The following GRIP1 variants were observed in gnomAD, a reference collection of about 807,000 sequenced individuals.
GRIP1 encodes glutamate receptor-interacting protein 1.
In GRIP1, 45 loss-of-function variants were observed where a neutral mutation model predicts 129.9. The ratio of observed to expected loss-of-function variants is 0.35; its 90% CI spans 0.27 to 0.44. The LOEUF is 0.44. Among genes scored for constraint, GRIP1 ranks in the 20% least tolerant of loss-of-function variants. The pLI is 1.00. For synonymous variants in GRIP1, 530 were observed against 520.8 expected, an observed-to-expected ratio of 1.02 and a Z score of -0.24; for missense variants, 1,196 against 1,396.8, an observed-to-expected ratio of 0.86 and a Z score of 2.29.
At chr12:66,478,176 TA>T (rs1323888760) in intron 7 of GRIP1, among the ~76,000 whole-genome samples, 1 of 152,034 alleles carries the variant, frequency 6.6e-6, no homozygotes, top group Non-Finnish European at 1.5e-5. Context: ...CAAACAAATT[TA>T]CAAGAAAAAG....
chr12:66,675,189 C>T (rs933267585), intron 1 of GRIP1, among the ~76,000 whole-genome samples: 1 of 152,092 alleles, frequency 6.6e-6, no homozygotes, highest in African/African-American at 2.4e-5. Context: ...AGAGAAAAGA[C>T]AGAGAGAGAG....
chr12:66,680,370 A>G (rs1465038111), upstream of GRIP1, among the ~76,000 whole-genome samples: 1 of 152,222 alleles, frequency 6.6e-6, no homozygotes, highest in East Asian at 1.9e-4. Context: ...TTTGAGTCCA[A>G]TAGAAAAATA....
Position 67,038,609 on chromosome 12 carries a change from C to T in GRIP1, c.58+30441G>A, listed in dbSNP as rs80299066. On this transcript the variant is annotated intron_variant, in intron 1 of 1. Coordinates refer to the GRIP1 transcript ENST00000643019. ...CCCTTTTAAAAACTAATGATGTTTACATTTGTATAAGCTTAACATGCGCTT... is the reference window on the plus strand; with the variant it reads ...CCCTTTTAAAAACTAATGATGTTTATATTTGTATAAGCTTAACATGCGCTT... Among the ~76,000 whole-genome samples the T allele has an allele frequency of 9.2e-3, 1,407 of 152,284 alleles. 10 individuals carry two copies. Among genetic ancestry groups the T allele is most frequent in the South Asian group, 0.022 (105 of 4,826 alleles).
At chr12:67,068,694 C>T (rs1394781818) in intron 1 of GRIP1, among the ~76,000 whole-genome samples, 2 of 151,282 alleles carry the variant, frequency 1.3e-5, no homozygotes, top group African/African-American at 2.4e-5. Context: ...CCACCATCAC[C>T]CCCCAGCACC....
At chr12:66,452,049 C>A (rs1316678994) in intron 11 of GRIP1, among the ~76,000 whole-genome samples, 1 of 152,180 alleles carries the variant, frequency 6.6e-6, no homozygotes. Flanking sequence ...CAGCAAAGAC[C>A]ATTCTGGAAA....
chr12:66,586,942 C>T (rs1312039017), intron 2 of GRIP1, among the ~76,000 whole-genome samples: 2 of 152,094 alleles, frequency 1.3e-5, no homozygotes, highest in Non-Finnish European at 2.9e-5. Context: ...TACATCAATA[C>T]ATTAACCCCT....
At chr12:66,364,420 T>C (rs963961698) in intron 23 of GRIP1, among the ~76,000 whole-genome samples, 3 of 151,924 alleles carry the variant, frequency 2.0e-5, no homozygotes, top group African/African-American at 7.3e-5. Flanking sequence ...CCTGCAAACC[T>C]CCTTCCCATT....
intron 23 of GRIP1, among the ~76,000 whole-genome samples, chr12:66,355,998 C>T (rs556895976): frequency 6.6e-6 from 1 of 152,304 alleles, no homozygotes; most frequent in South Asian, 2.1e-4. Context: ...ATCAGGAAGG[C>T]TGTCCCATGA....
At chr12:66,667,735 T>G (rs2033874670) in intron 1 of GRIP1, among the ~76,000 whole-genome samples, 1 of 152,110 alleles carries the variant, frequency 6.6e-6, no homozygotes. Flanking sequence ...TCCATGAATT[T>G]CTTAAGAGAC....
intron 1 of GRIP1, among the ~76,000 whole-genome samples, chr12:67,025,692 T>C (rs188418785): frequency 6.6e-6 from 1 of 152,206 alleles, no homozygotes; most frequent in African/African-American, 2.4e-5. Context: ...TTCCTACACC[T>C]GCCACCAGAT....
intron 15 of GRIP1, among the ~76,000 whole-genome samples, chr12:66,420,092 G>A (rs1003371757): frequency 2.9e-4 from 44 of 152,004 alleles, no homozygotes; most frequent in African/African-American, 9.7e-4. Flanking sequence ...GGTGACACTC[G>A]GTCTCAAAAA....
intron 1 of GRIP1, among the ~76,000 whole-genome samples, chr12:66,758,704 C>T (rs2037377186): frequency 6.6e-6 from 1 of 152,170 alleles, no homozygotes; most frequent in African/African-American, 2.4e-5. Context: ...CACAGCCATT[C>T]CAAATGGGAG....
chr12:66,486,892 G>A (rs2059970304), intron 7 of GRIP1, among the ~76,000 whole-genome samples: 1 of 151,998 alleles, frequency 6.6e-6, no homozygotes, highest in Non-Finnish European at 1.5e-5. Context: ...CTGGGCTCAA[G>A]TGATCTTCCC....
chr12:66,958,348 G>A (rs80236294), intron 1 of GRIP1, among the ~76,000 whole-genome samples: 3,977 of 152,156 alleles, frequency 0.026, 173 homozygotes, highest in African/African-American at 0.09. Context: ...GGCCAGGCTG[G>A]TCTTGAACTC....
At chr12:66,531,235 CAAAA>C (rs1168836647) in intron 4 of GRIP1, among the ~76,000 whole-genome samples, 117 of 16,324 alleles carry the variant, frequency 7.2e-3, no homozygotes, top group African/African-American at 0.022. Flanking sequence ...GACTCTGTCT[CAAAA>C]AAAAAAAAAA....
intron 9 of GRIP1, among the ~76,000 whole-genome samples, chr12:66,457,473 C>T (rs545289949): frequency 3.2e-4 from 48 of 152,252 alleles, no homozygotes; most frequent in South Asian, 2.7e-3. Context: ...GAGGGTCTGC[C>T]TATGTTGCCC....
chr12:67,019,801 T>C (rs1047896579), intron 1 of GRIP1, among the ~76,000 whole-genome samples: 5 of 151,264 alleles, frequency 3.3e-5, no homozygotes, highest in Admixed American at 1.3e-4. Context: ...TTATAATATA[T>C]ACACACACAC....
intron 1 of GRIP1, among the ~76,000 whole-genome samples, chr12:66,730,702 A>C (rs1448903119): frequency 2.5e-5 from 2 of 78,866 alleles, no homozygotes; most frequent in African/African-American, 7.9e-5. Context: ...GGTCATCTAC[A>C]AAAAAAAAAA....
At chr12:66,717,277 C>G (rs983606812) in intron 1 of GRIP1, among the ~76,000 whole-genome samples, 3 of 151,862 alleles carry the variant, frequency 2.0e-5, no homozygotes, top group African/African-American at 7.3e-5. Context: ...GCCTATATGC[C>G]AATTTTAAAG....
Sources: allele counts gnomAD v4.1 joint callset (sites outside exome capture counted in the v4.1 genomes callset), GRCh38; gene constraint gnomAD v4.1.1; transcripts MANE v1.5; gene names NCBI Gene and HGNC (gene_info 2026-07-23, HGNC 2026-07-21).